BRD10: variants seen among roughly 807,000 people sequenced by gnomAD.
BRD10 encodes the protein uncharacterized bromodomain-containing protein 10.
At chr9:5,923,604 C>T in the BRD10 span, among the ~76,000 whole-genome samples, 6 of 152,170 alleles carry the variant, frequency 3.9e-5, no homozygotes, top group Admixed American at 1.3e-4. Flanking sequence ...GTGCAAAAAA[C>T]TGTTTCATTA....
chr9:5,951,072 AC>A, the BRD10 span, among the ~76,000 whole-genome samples: 1 of 131,912 alleles, frequency 7.6e-6, no homozygotes, highest in Non-Finnish European at 1.6e-5. Flanking sequence ...ACACACACAC[AC>A]ACACCCCCAC....
chr9:5,943,205 C>A, the BRD10 span, among the ~76,000 whole-genome samples: 2 of 152,080 alleles, frequency 1.3e-5, no homozygotes, highest in African/African-American at 4.8e-5. Context: ...TATTCTTCTT[C>A]TACACAGTAC....
At chr9:5,919,343 C>A in the BRD10 span, 1 of 175,646 alleles carries the variant, frequency 5.7e-6, no homozygotes, top group Non-Finnish European at 1.2e-5. Flanking sequence ...CAAGAAGAAA[C>A]ATGTCAATGT....
At chr9:5,946,083 G>T in the BRD10 span, among the ~76,000 whole-genome samples, 3 of 151,898 alleles carry the variant, frequency 2.0e-5, no homozygotes, top group African/African-American at 7.3e-5. Flanking sequence ...AATTCCTTGT[G>T]GCTACTGAGT....
the BRD10 span, among the ~76,000 whole-genome samples, chr9:5,890,382 T>C: frequency 6.6e-6 from 1 of 152,176 alleles, no homozygotes; most frequent in African/African-American, 2.4e-5. Flanking sequence ...TAAGAAACTG[T>C]TCATTGTTTA....
chr9:5,972,854 C>T, the BRD10 span, among the ~76,000 whole-genome samples: 1 of 152,108 alleles, frequency 6.6e-6, no homozygotes, highest in African/African-American at 2.4e-5. Flanking sequence ...CAGAAGCCAG[C>T]ACACAATGGA....
At chr9:5,944,849 G>T in the BRD10 span, 1 of 1,263,130 alleles carries the variant, frequency 7.9e-7, no homozygotes, top group Non-Finnish European at 1.1e-6. Context: ...ATAATAGATA[G>T]AACTTTTGGA....
the BRD10 span, chr9:5,922,237 G>A: frequency 1.9e-6 from 3 of 1,613,884 alleles, no homozygotes; most frequent in African/African-American, 2.7e-5. Context: ...GTGCAAAACA[G>A]TTGAAGGAAC....
At chr9:5,938,343 G>A in the BRD10 span, among the ~76,000 whole-genome samples, 1 of 150,982 alleles carries the variant, frequency 6.6e-6, no homozygotes, top group Non-Finnish European at 1.5e-5. Flanking sequence ...TCTCAAGGCT[G>A]AGGTGGGAGA....
chr9:5,955,219 T>G, the BRD10 span, among the ~76,000 whole-genome samples: 1 of 151,708 alleles, frequency 6.6e-6, no homozygotes, highest in Admixed American at 6.6e-5. Flanking sequence ...TACAGGACAC[T>G]GTACAAGCTA....
the BRD10 span, among the ~76,000 whole-genome samples, chr9:5,997,414 T>C: frequency 2.8e-5 from 4 of 140,428 alleles, no homozygotes; most frequent in Non-Finnish European, 6.2e-5. Flanking sequence ...ACATATCTAA[T>C]GGAAAAATAA....
chr9:5,879,386 G>C, the BRD10 span, among the ~76,000 whole-genome samples: 1 of 152,136 alleles, frequency 6.6e-6, no homozygotes, highest in South Asian at 2.1e-4. Flanking sequence ...AAAAAAAAGA[G>C]AGAAAGAAAA....
At chr9:5,897,736 G>A in the BRD10 span, 1 of 1,182,298 alleles carries the variant, frequency 8.5e-7, no homozygotes, top group Non-Finnish European at 1.3e-6. Context: ...TGGAGAGTCA[G>A]ATAATTGCCT....
the BRD10 span, chr9:6,007,358 C>G: frequency 1.2e-6 from 2 of 1,613,320 alleles, no homozygotes; most frequent in Non-Finnish European, 8.5e-7. Context: ...GCGAACTTCT[C>G]TTCCATCTGC....
chr9:5,892,253 G>C, the BRD10 span, among the ~76,000 whole-genome samples: 1 of 152,072 alleles, frequency 6.6e-6, no homozygotes, highest in African/African-American at 2.4e-5. Context: ...TAGTAGGAGG[G>C]GTTAGAAACC....
chr9:6,006,307 G>A, the BRD10 span, among the ~76,000 whole-genome samples: 1 of 152,182 alleles, frequency 6.6e-6, no homozygotes, highest in African/African-American at 2.4e-5. Context: ...AAAAGGTTAA[G>A]TGACTTGCTC....
At chr9:5,949,269 G>C in the BRD10 span, among the ~76,000 whole-genome samples, 2 of 152,114 alleles carry the variant, frequency 1.3e-5, no homozygotes, top group African/African-American at 4.8e-5. Context: ...AAACCACAGA[G>C]AATCGCTTGA....
At chr9:5,927,156 G>A in the BRD10 span, among the ~76,000 whole-genome samples, 3 of 151,976 alleles carry the variant, frequency 2.0e-5, no homozygotes, top group Admixed American at 6.6e-5. Context: ...TAACCTTCTC[G>A]GTCTCAGTTA....
At chr9:5,913,278 T>A in the BRD10 span, among the ~76,000 whole-genome samples, 1 of 152,350 alleles carries the variant, frequency 6.6e-6, no homozygotes, top group Non-Finnish European at 1.5e-5. Context: ...CTGGACAGGT[T>A]CACTTGTCAC....
Sources: gnomAD v4.1 joint callset for allele counts (sites outside exome capture counted in the v4.1 genomes callset) on GRCh38, gnomAD v4.1.1 for gene constraint, MANE v1.5 for transcripts, NCBI Gene and HGNC (gene_info 2026-07-23, HGNC 2026-07-21) for gene names.